The following SCHIP1 variants were observed in gnomAD, a reference collection of about 807,000 sequenced individuals.
SCHIP1 encodes the protein schwannomin-interacting protein 1.
In SCHIP1, 8 loss-of-function variants were observed where a neutral mutation model predicts 29.7. The ratio of observed to expected loss-of-function variants is 0.27; its 90% CI spans 0.16 to 0.49. The LOEUF is 0.49. SCHIP1 is among the 20% of genes least tolerant of loss of function. SCHIP1 has a pLI of 0.99. For synonymous variants in SCHIP1, 76 were observed against 94.9 expected (o/e 0.80, Z 1.16); for missense variants, 193 against 294.6 (o/e 0.66, Z 2.52).
chr3:159,699,007 T>C, the SCHIP1 span, among the ~76,000 whole-genome samples: 2 of 152,226 alleles, frequency 1.3e-5, no homozygotes, highest in Admixed American at 1.3e-4. Context: ...TCAAAAACAT[T>C]TTATTACTTC....
the SCHIP1 span, among the ~76,000 whole-genome samples, chr3:159,752,644 C>T: frequency 6.6e-6 from 1 of 151,998 alleles, no homozygotes; most frequent in Non-Finnish European, 1.5e-5. Context: ...TGGGGAAGTG[C>T]TGCACACCTT....
chr3:159,376,827 G>C, the SCHIP1 span, among the ~76,000 whole-genome samples: 3 of 152,112 alleles, frequency 2.0e-5, no homozygotes, highest in East Asian at 5.8e-4. Context: ...AGTAGCCCCA[G>C]TTTTGGGCTC....
the SCHIP1 span, among the ~76,000 whole-genome samples, chr3:159,527,625 A>T: frequency 6.6e-6 from 1 of 152,230 alleles, no homozygotes; most frequent in Non-Finnish European, 1.5e-5. Flanking sequence ...GGTGTTATCT[A>T]TTAATAAAGA....
the SCHIP1 span, among the ~76,000 whole-genome samples, chr3:159,372,720 G>A: frequency 3.9e-5 from 6 of 151,950 alleles, no homozygotes; most frequent in African/African-American, 1.4e-4. Flanking sequence ...TTTTTAAATA[G>A]TATTGGGAAA....
chr3:159,790,621 G>T, the SCHIP1 span, among the ~76,000 whole-genome samples: 1 of 152,220 alleles, frequency 6.6e-6, no homozygotes, highest in Non-Finnish European at 1.5e-5. Flanking sequence ...AGGAGGTGGA[G>T]GTTGCAGTGA....
At chr3:159,710,192 G>T in the SCHIP1 span, among the ~76,000 whole-genome samples, 1 of 152,106 alleles carries the variant, frequency 6.6e-6, no homozygotes, top group Non-Finnish European at 1.5e-5. Flanking sequence ...CAACCTAAGT[G>T]ACCATCCACA....
At chr3:159,405,923 G>A in the SCHIP1 span, among the ~76,000 whole-genome samples, 1 of 148,704 alleles carries the variant, frequency 6.7e-6, no homozygotes, top group Non-Finnish European at 1.5e-5. Context: ...GCACAGAGAA[G>A]ATAAAAAATA....
the SCHIP1 span, among the ~76,000 whole-genome samples, chr3:159,329,872 T>TC: frequency 6.6e-6 from 1 of 152,088 alleles, no homozygotes; most frequent in African/African-American, 2.4e-5. Context: ...CGTTAGTATT[T>TC]TTTTTTTTCA....
the SCHIP1 span, among the ~76,000 whole-genome samples, chr3:159,780,257 A>G: frequency 6.6e-6 from 1 of 152,194 alleles, no homozygotes; most frequent in African/African-American, 2.4e-5. Context: ...AACCCATGCT[A>G]TGAAGGGACC....
the SCHIP1 span, among the ~76,000 whole-genome samples, chr3:159,422,960 T>TACTC: frequency 0.57 from 85,961 of 151,852 alleles, 25,276 homozygotes; most frequent in East Asian, 0.75. Flanking sequence ...ATTAGTTACA[T>TACTC]AAGAGTAGAA....
the SCHIP1 span, among the ~76,000 whole-genome samples, chr3:159,707,561 A>C: frequency 6.6e-6 from 1 of 152,222 alleles, no homozygotes. Flanking sequence ...TTAAACTACA[A>C]AACAGTCCAT....
the SCHIP1 span, among the ~76,000 whole-genome samples, chr3:159,618,246 T>G: frequency 6.6e-6 from 1 of 152,226 alleles, no homozygotes; most frequent in Non-Finnish European, 1.5e-5. Flanking sequence ...AAAATACTAT[T>G]TCCCAGGTTT....
At chr3:159,451,098 C>T in the SCHIP1 span, among the ~76,000 whole-genome samples, 3 of 152,152 alleles carry the variant, frequency 2.0e-5, no homozygotes, top group Admixed American at 6.5e-5. Flanking sequence ...TGAGCCACTG[C>T]GCCCGGCCCA....
At chr3:159,499,661 A>G in the SCHIP1 span, among the ~76,000 whole-genome samples, 1 of 152,230 alleles carries the variant, frequency 6.6e-6, no homozygotes, top group South Asian at 2.1e-4. Flanking sequence ...ACATGCTCAA[A>G]TTCATGAGCT....
At chr3:159,346,667 T>C in the SCHIP1 span, among the ~76,000 whole-genome samples, 1 of 152,122 alleles carries the variant, frequency 6.6e-6, no homozygotes, top group African/African-American at 2.4e-5. Flanking sequence ...AATAATTTTG[T>C]TATGAAAAAT....
chr3:159,495,821 C>G, the SCHIP1 span, among the ~76,000 whole-genome samples: 1 of 147,930 alleles, frequency 6.8e-6, no homozygotes, highest in African/African-American at 2.4e-5. Flanking sequence ...GCCAAAAGAA[C>G]CTGGAGGCAT....
the SCHIP1 span, among the ~76,000 whole-genome samples, chr3:159,715,557 A>G: frequency 6.6e-6 from 1 of 152,238 alleles, no homozygotes. Flanking sequence ...AAGACCTTAA[A>G]TGACCTGATG....
At chr3:159,823,292 C>T in the SCHIP1 span, among the ~76,000 whole-genome samples, 9 of 152,182 alleles carry the variant, frequency 5.9e-5, no homozygotes, top group East Asian at 5.8e-4. Context: ...CAGCAATGGG[C>T]GGTAGGTGGT....
At chr3:159,645,068 T>A in the SCHIP1 span, among the ~76,000 whole-genome samples, 3 of 152,098 alleles carry the variant, frequency 2.0e-5, no homozygotes, top group African/African-American at 7.2e-5. Context: ...TACAAACAAG[T>A]TGCCTTGATT....
Sources: allele counts gnomAD v4.1 joint callset (sites outside exome capture counted in the v4.1 genomes callset), GRCh38; gene constraint gnomAD v4.1.1; transcripts MANE v1.5; gene names NCBI Gene and HGNC (gene_info 2026-07-23, HGNC 2026-07-21).